Variants in RIMS2 observed in about 807,000 individuals in gnomAD.
RIMS2 encodes the protein regulating synaptic membrane exocytosis 2, also known as regulating synaptic membrane exocytosis protein 2.
RIMS2 carries 59 observed loss-of-function variants against 174.4 expected under a neutral mutation model. The observed-to-expected ratio is 0.34, with a 90% CI of 0.27 to 0.42. The LOEUF (loss-of-function observed/expected upper bound fraction) is 0.42, where lower values mean the gene tolerates loss of function less well. Among genes scored for constraint, RIMS2 ranks in the 10% least tolerant of loss-of-function variants. The pLI is 1.00. For missense variants in RIMS2, 1,620 were observed against 1,666.3 expected, an observed-to-expected ratio of 0.97 and a Z score of 0.48; for synonymous variants, 606 against 572.5, an observed-to-expected ratio of 1.06 and a Z score of -0.84.
intron 19 of RIMS2, 57 bp from the exon 23 acceptor site, chr8:104,068,455 T>G (rs2097140767): frequency 1.3e-6 from 1 of 758,508 alleles, no homozygotes; most frequent in South Asian, 1.6e-5. Context: ...ATCCTGTAAG[T>G]CGGACTCAGA....
rs1309953742 is a variant in RIMS2, at chr8:103,563,011, C to T, written c.176+61949C>T. Among the ~76,000 whole-genome samples, 9 of 152,288 alleles carry T rather than the reference C, an allele frequency of 5.9e-5. No homozygotes were observed. In the South Asian group the frequency reaches 8.3e-4, roughly 14 times the overall value. On this transcript the variant is annotated intron_variant, in intron 1 of 23. Coordinates refer to ENST00000504942, the Ensembl canonical transcript of RIMS2. ...CAGGGCACCAAGTCCCTTGACTGCA[C>T]ACTGAAGGGGGACCAAGGGCCTGGC...
intron 19 of RIMS2, among the ~76,000 whole-genome samples, chr8:104,209,347 G>A (rs2099095210): frequency 6.6e-6 from 1 of 152,170 alleles, no homozygotes; most frequent in Non-Finnish European, 1.5e-5. Context: ...TCTAAGACCT[G>A]TTATATTGCC....
intron 3 of RIMS2, among the ~76,000 whole-genome samples, chr8:103,787,689 C>T (rs1451893487): frequency 1.3e-5 from 2 of 152,218 alleles, no homozygotes; most frequent in Non-Finnish European, 2.9e-5. Context: ...ACCTTTCTCT[C>T]TGGCTGCCCT....
chr8:103,879,616 A>G (rs2099157949), intron 3 of RIMS2, among the ~76,000 whole-genome samples: 1 of 151,576 alleles, frequency 6.6e-6, no homozygotes, highest in Non-Finnish European at 1.5e-5. Flanking sequence ...TTCAAGACCT[A>G]CATTTAATTC....
At chr8:103,655,756 G>C (rs11784812) in intron 1 of RIMS2, among the ~76,000 whole-genome samples, 26,893 of 152,020 alleles carry the variant, frequency 0.18, 2,587 homozygotes, top group African/African-American at 0.24. Flanking sequence ...AGAAGACCAA[G>C]ATGGGTGTAG....
At chr8:103,670,086 C>T (rs2096726457) in intron 1 of RIMS2, among the ~76,000 whole-genome samples, 1 of 152,350 alleles carries the variant, frequency 6.6e-6, no homozygotes, top group East Asian at 1.9e-4. Context: ...ACAAAGGTTC[C>T]CAAACCTCAA....
intron 19 of RIMS2, among the ~76,000 whole-genome samples, chr8:104,132,023 T>A (rs780363077): frequency 3.3e-5 from 5 of 152,186 alleles, no homozygotes; most frequent in African/African-American, 4.8e-5. Flanking sequence ...CTTAATTGCA[T>A]CTGTAATCTT....
chr8:104,082,012 TTC>T (rs903354084), intron 19 of RIMS2, among the ~76,000 whole-genome samples: 3 of 152,146 alleles, frequency 2.0e-5, no homozygotes, highest in Admixed American at 6.6e-5. Flanking sequence ...TGGTCATTCA[TTC>T]TCTCTCTCTT....
chr8:103,812,742 C>G (rs1025310563), intron 3 of RIMS2, among the ~76,000 whole-genome samples: 4 of 151,998 alleles, frequency 2.6e-5, no homozygotes, highest in Non-Finnish European at 5.9e-5. Context: ...CATCATCTGC[C>G]TTTTATTTTT....
At chr8:103,740,902 A>G (rs1422715951) in intron 2 of RIMS2, among the ~76,000 whole-genome samples, 1 of 151,966 alleles carries the variant, frequency 6.6e-6, no homozygotes, top group African/African-American at 2.4e-5. Flanking sequence ...TTTTATTTAC[A>G]TTTTCTTCAC....
At chr8:103,992,976 C>A (rs943464780) in intron 17 of RIMS2, among the ~76,000 whole-genome samples, 1 of 152,024 alleles carries the variant, frequency 6.6e-6, no homozygotes, top group Non-Finnish European at 1.5e-5. Flanking sequence ...TAGCCAGGCA[C>A]GGTGGCAGAT....
At chr8:103,604,442 A>G (rs955544589) in intron 1 of RIMS2, among the ~76,000 whole-genome samples, 1 of 152,146 alleles carries the variant, frequency 6.6e-6, no homozygotes, top group African/African-American at 2.4e-5. Context: ...TGATGCCTCC[A>G]GCTTTGTTCT....
intron 2 of RIMS2, among the ~76,000 whole-genome samples, chr8:103,728,745 C>CTTTTTTTTTTTTTTTTT (rs1311572866): frequency 4.4e-5 from 3 of 68,140 alleles, no homozygotes; most frequent in African/African-American, 2.3e-4. Flanking sequence ...AGGTATGCTC[C>CTTTTTTTTTTTTTTTTT]TTCTTTTTTT....
exon 10 of RIMS2, chr8:103,921,717 C>T: frequency 6.3e-7 from 1 of 1,578,916 alleles, no homozygotes; most frequent in Non-Finnish European, 8.7e-7. Flanking sequence ...CCTTCTATTT[C>T]TGTTACCTCT....
At chr8:103,796,775 A>G (rs2098552666) in intron 3 of RIMS2, among the ~76,000 whole-genome samples, 1 of 152,200 alleles carries the variant, frequency 6.6e-6, no homozygotes, top group Non-Finnish European at 1.5e-5. Context: ...TGGGAAAGAC[A>G]AAGAAATAAG....
intron 2 of RIMS2, among the ~76,000 whole-genome samples, chr8:103,752,285 G>A (rs1236101555): frequency 3.9e-5 from 6 of 151,958 alleles, no homozygotes; most frequent in Non-Finnish European, 7.4e-5. Context: ...ATTTCTGAGG[G>A]CTCTGTTCTG....
In RIMS2 at chr8:103,770,737, G is replaced by A. The variant is rs185091639; in HGVS notation, c.698+4200G>A. ...TTTTAATTAAACCTATTTTTTTTTT[G>A]TTCCTTCGTCTCCCACCCTGCCTGC... On this transcript the variant is annotated intron_variant, in intron 3 of 23. Coordinates refer to ENST00000504942, the Ensembl canonical transcript of RIMS2. Among the ~76,000 whole-genome samples the A allele has an allele frequency of 1.2e-3, 164 of 138,378 alleles. 2 individuals are homozygous for A. Among genetic ancestry groups the A allele is most frequent in the African/African-American group, 4.2e-3 (155 of 37,134 alleles). The allele number at this position is 138,378 out of a possible 152,430, so 90.8% of individuals were successfully genotyped here. A position where few individuals can be genotyped will look rare whatever the true frequency, so the allele number is the denominator to read the frequency against.
intron 1 of RIMS2, among the ~76,000 whole-genome samples, chr8:103,552,301 T>C (rs1848362087): frequency 1.3e-5 from 2 of 151,852 alleles, no homozygotes; most frequent in Non-Finnish European, 2.9e-5. Flanking sequence ...AATACACATC[T>C]ACAACCATCT....
At chr8:104,171,436 T>C (rs1330604801) in intron 19 of RIMS2, among the ~76,000 whole-genome samples, 4 of 152,038 alleles carry the variant, frequency 2.6e-5, no homozygotes, top group Non-Finnish European at 4.4e-5. Context: ...GCTGAAACTT[T>C]CCACTGCATT....
Sources: allele counts gnomAD v4.1 joint callset (sites outside exome capture counted in the v4.1 genomes callset), GRCh38; gene constraint gnomAD v4.1.1; transcripts MANE v1.5; gene names NCBI Gene and HGNC (gene_info 2026-07-23, HGNC 2026-07-21).